The following ELMO1 variants were observed in gnomAD, a reference collection of about 807,000 sequenced individuals.
The protein encoded by ELMO1 is engulfment and cell motility protein 1.
A neutral mutation model predicts 98.9 loss-of-function variants in ELMO1; 26 were observed. The ratio of observed to expected loss-of-function variants is 0.26; its 90% CI spans 0.19 to 0.36. The LOEUF (loss-of-function observed/expected upper bound fraction) is 0.36. Ranked by LOEUF, ELMO1 falls within the 10% of genes least tolerant of loss-of-function variation. ELMO1 has a pLI of 1.00. For synonymous variants in ELMO1, 346 were observed against 346.0 expected, an observed-to-expected ratio of 1.00 and a Z score of 0.00; for missense variants, 627 against 935.2, an observed-to-expected ratio of 0.67 and a Z score of 4.30.
At chr7:37,248,168 G>A (rs755084496) in intron 6 of ELMO1, among the ~76,000 whole-genome samples, 18 of 146,828 alleles carry the variant, frequency 1.2e-4, no homozygotes, top group Admixed American at 4.1e-4. Flanking sequence ...TGCAACATCT[G>A]TCTATTGCCC....
At chr7:37,261,587 A>C (rs939505672) in intron 5 of ELMO1, among the ~76,000 whole-genome samples, 5 of 151,868 alleles carry the variant, frequency 3.3e-5, no homozygotes, top group Non-Finnish European at 5.9e-5. Context: ...TAGAATGAGC[A>C]GCTCTGATTG....
At chr7:37,031,407 A>G (rs1794874318) in intron 15 of ELMO1, among the ~76,000 whole-genome samples, 1 of 152,192 alleles carries the variant, frequency 6.6e-6, no homozygotes. Flanking sequence ...GACAATAATG[A>G]AAAACATAAA....
chr7:36,907,854 C>T (rs1201553050), intron 16 of ELMO1, among the ~76,000 whole-genome samples: 2 of 152,200 alleles, frequency 1.3e-5, no homozygotes, highest in African/African-American at 4.8e-5. Context: ...TGCAAGTAGC[C>T]ACCACCAATC....
At chr7:37,035,314 T>C (rs775006250) in intron 15 of ELMO1, among the ~76,000 whole-genome samples, 16 of 152,354 alleles carry the variant, frequency 1.1e-4, no homozygotes, top group Non-Finnish European at 1.8e-4. Flanking sequence ...GATTTTGATC[T>C]TTCACCTTCC....
intron 1 of ELMO1, among the ~76,000 whole-genome samples, chr7:37,444,428 C>A (rs1347436111): frequency 1.3e-5 from 2 of 152,192 alleles, no homozygotes; most frequent in Admixed American, 1.3e-4. Flanking sequence ...TTCTGCATCA[C>A]TAAAGTGAAA....
chr7:37,005,812 T>C (rs1254674618), intron 16 of ELMO1, among the ~76,000 whole-genome samples: 3 of 152,106 alleles, frequency 2.0e-5, no homozygotes, highest in South Asian at 2.1e-4. Context: ...AGCATCCTTT[T>C]CCTTTTCAGA....
At chr7:37,087,859 A>T (rs553790160) in intron 15 of ELMO1, among the ~76,000 whole-genome samples, 45 of 152,372 alleles carry the variant, frequency 3.0e-4, no homozygotes, top group Non-Finnish European at 6.3e-4. Flanking sequence ...ATTAATAAAC[A>T]GTAGAAAGCA....
chr7:36,965,748 GA>G (rs35648316), intron 16 of ELMO1, among the ~76,000 whole-genome samples: 28 of 150,624 alleles, frequency 1.9e-4, no homozygotes, highest in African/African-American at 6.1e-4. Flanking sequence ...GTACAAATGG[GA>G]AAAAAAAACC....
At chr7:37,222,588 C>A in intron 10 of ELMO1, 27 bp downstream of exon 10, 2 of 1,609,272 alleles carry the variant, frequency 1.2e-6, no homozygotes, top group Middle Eastern at 3.3e-4. Flanking sequence ...CTTGACATAG[C>A]CATAAGACTA....
Position 36,888,283 on chromosome 7 carries a change from T to A in ELMO1, c.1602-611A>T, listed in dbSNP as rs534154472. Among the ~76,000 whole-genome samples the A allele has an allele frequency of 3.9e-4, 59 of 152,298 alleles. No individual in the cohort carries two copies. In the Middle Eastern group the frequency reaches 0.01, roughly 26 times the overall value. ...TATCTTGTCTCAGGCTAATGCAATA[T>A]AATTTAGTTTGAGATCCATTATGCT... On this transcript the variant is annotated intron_variant, in intron 17 of 21. Coordinates refer to ENST00000310758, the MANE Select transcript of ELMO1 (RefSeq NM_014800.11).
intron 2 of ELMO1, among the ~76,000 whole-genome samples, chr7:37,336,229 GA>G (rs1411203105): frequency 6.3e-4 from 90 of 142,400 alleles, no homozygotes; most frequent in African/African-American, 1.4e-3. Flanking sequence ...CTGCGTCAAG[GA>G]AAAAAAAAAA....
intron 13 of ELMO1, among the ~76,000 whole-genome samples, chr7:37,201,176 G>A (rs146980562): frequency 2.6e-4 from 39 of 152,198 alleles, no homozygotes; most frequent in African/African-American, 9.4e-4. Context: ...CACATGTCAA[G>A]AGTCAGATCA....
chr7:37,158,375 A>G (rs1788946241), intron 13 of ELMO1, among the ~76,000 whole-genome samples: 1 of 152,246 alleles, frequency 6.6e-6, no homozygotes, highest in Non-Finnish European at 1.5e-5. Flanking sequence ...CAGGCAATCT[A>G]CAGAATGGGA....
At chr7:37,195,592 G>A (rs1791917654) in intron 13 of ELMO1, among the ~76,000 whole-genome samples, 1 of 152,240 alleles carries the variant, frequency 6.6e-6, no homozygotes, top group Non-Finnish European at 1.5e-5. Context: ...TCCCTGCACT[G>A]AGCAGCAGTT....
intron 1 of ELMO1, among the ~76,000 whole-genome samples, chr7:37,387,366 C>T (rs529469392): frequency 6.6e-6 from 1 of 152,326 alleles, no homozygotes; most frequent in East Asian, 1.9e-4. Context: ...TCCCTCCTAG[C>T]TTCTGGTAGT....
chr7:37,100,725 T>C (rs1211331445), intron 14 of ELMO1, among the ~76,000 whole-genome samples: 2 of 152,148 alleles, frequency 1.3e-5, no homozygotes, highest in Admixed American at 1.3e-4. Flanking sequence ...TGACTTAACC[T>C]AGGGTCAGGT....
At chr7:37,413,625 A>G (rs11765177) in intron 1 of ELMO1, among the ~76,000 whole-genome samples, 60,541 of 151,960 alleles carry the variant, frequency 0.4, 12,745 homozygotes, top group East Asian at 0.59. Flanking sequence ...TTTTCTTGCC[A>G]TCTAAAGTTC....
At chr7:36,921,454 C>T (rs1238139020) in intron 16 of ELMO1, among the ~76,000 whole-genome samples, 2 of 152,214 alleles carry the variant, frequency 1.3e-5, no homozygotes, top group Non-Finnish European at 2.9e-5. Context: ...CATGAGCAGA[C>T]ATTTATGTCC....
chr7:37,259,336 C>G lies in ELMO1; in HGVS notation c.258G>C (p.Gln86His), dbSNP rs1467686691. Residue 86 changes from glutamine (Q) to histidine (H), a missense_variant, in exon 6 of 22, where the codon CAG (glutamine) becomes CAC (histidine). This residue lies in a region of ELMO1 where 123 missense variants were observed against 171.2 expected (regional missense o/e 0.72). Transcript: ENST00000310758. ...AGGACTGGATTCGTTCATGGAGCTG[C>G]TGGGCGTTCTGAGCCTTATGGGGCA... Reference protein sequence around the residue: ...RLTTSPAQNAQQLHERIQSSS... With the variant: ...RLTTSPAQNAHQLHERIQSSS... The G allele has an allele frequency of 6.2e-7, 1 of 1,613,880 alleles. No individual in the cohort carries two copies. Among genetic ancestry groups the G allele is most frequent in the Non-Finnish European group, 8.5e-7 (1 of 1,179,914 alleles).
Sources: allele counts gnomAD v4.1 joint callset (sites outside exome capture counted in the v4.1 genomes callset), GRCh38; gene constraint gnomAD v4.1.1; regional missense constraint gnomAD v4.1.1; transcripts MANE v1.5; gene names NCBI Gene and HGNC (gene_info 2026-07-23, HGNC 2026-07-21).